MLLT3: variants seen among roughly 807,000 people sequenced by gnomAD.
MLLT3 encodes protein AF-9.
MLLT3 carries 4 observed loss-of-function variants against 53.2 expected under a neutral mutation model. The ratio of observed to expected loss-of-function variants is 0.08; its 90% CI spans 0.04 to 0.17. The LOEUF is 0.17. Ranked by LOEUF, MLLT3 falls within the 10% of genes least tolerant of loss-of-function variation. The probability of loss-of-function intolerance (pLI) is 1.00; values close to 1 mark genes in which losing one functional copy is unlikely to be tolerated. For missense variants in MLLT3, 569 were observed against 684.0 expected (o/e 0.83, Z 1.87); for synonymous variants, 283 against 230.6 (o/e 1.23, Z -2.06).
intron 2 of MLLT3, among the ~76,000 whole-genome samples, chr9:20,519,154 T>C (rs566661639): frequency 6.6e-6 from 1 of 152,316 alleles, no homozygotes; most frequent in South Asian, 2.1e-4. Context: ...CAATGTGGTA[T>C]CCTAGATTAG....
At chr9:20,615,360 GAAAAAAAAAAAAAAAAA>G (rs10601830) in intron 2 of MLLT3, among the ~76,000 whole-genome samples, 31 of 48,766 alleles carry the variant, frequency 6.4e-4, no homozygotes, top group South Asian at 4.7e-3. Flanking sequence ...CAGACCATGT[GAAAAAAAAAAAAAAAAA>G]AAAAAAAAAA....
At chr9:20,446,864 C>G (rs1823718197) in intron 4 of MLLT3, among the ~76,000 whole-genome samples, 6 of 152,136 alleles carry the variant, frequency 3.9e-5, no homozygotes, top group Admixed American at 3.9e-4. Flanking sequence ...CTTCATGAAG[C>G]TGTATTTCTC....
intron 2 of MLLT3, among the ~76,000 whole-genome samples, chr9:20,584,940 G>C (rs539055181): frequency 6.6e-6 from 1 of 152,246 alleles, no homozygotes; most frequent in Admixed American, 6.5e-5. Flanking sequence ...TTCAAATTTT[G>C]GGCAGTTATA....
At chr9:20,443,599 G>A (rs750325105) in intron 4 of MLLT3, among the ~76,000 whole-genome samples, 15 of 152,152 alleles carry the variant, frequency 9.9e-5, no homozygotes, top group Admixed American at 3.9e-4. Context: ...CTATCAATGC[G>A]CTGGTTACAC....
chr9:20,461,694 G>T (rs760051280), intron 2 of MLLT3, among the ~76,000 whole-genome samples: 10 of 151,958 alleles, frequency 6.6e-5, no homozygotes, highest in Non-Finnish European at 1.3e-4. Context: ...GTATTATTAG[G>T]CAACAGTTTT....
rs1028722100 is a variant in MLLT3, at chr9:20,524,529, A to T, written c.194-67743T>A. ...TGACTAACGAAAAATAACTTTTTTT[A>T]AAAAAAATGACAGGCTCTCGGGCTC... is the stretch of plus-strand genomic sequence containing the variant. On this transcript the variant is annotated intron_variant, in intron 2 of 10. Transcript: ENST00000380338. Among the ~76,000 whole-genome samples the T allele has an allele frequency of 5.1e-4, 70 of 138,304 alleles. 1 individual carries two copies. The highest frequency in any genetic ancestry group is 1.1e-3 in the African/African-American group (31 of 28,732). 90.7% of individuals were successfully genotyped at this position (138,304 alleles called of 152,430 possible).
chr9:20,518,916 G>A (rs1008845294), intron 2 of MLLT3, among the ~76,000 whole-genome samples: 5 of 152,152 alleles, frequency 3.3e-5, no homozygotes, highest in Non-Finnish European at 1.5e-5. Context: ...CTGCAATGTG[G>A]GATCCTGGTT....
intron 10 of MLLT3, among the ~76,000 whole-genome samples, chr9:20,348,804 T>TTC: frequency 6.6e-6 from 1 of 152,318 alleles, no homozygotes; most frequent in East Asian, 1.9e-4. Context: ...GTAACAGAAC[T>TTC]TTCAAGAAGT....
At chr9:20,615,874 GAAAAAAAAAA>G (rs10579863) in intron 2 of MLLT3, among the ~76,000 whole-genome samples, 2 of 132,614 alleles carry the variant, frequency 1.5e-5, no homozygotes, top group Non-Finnish European at 3.2e-5. Flanking sequence ...AAAGAGATTT[GAAAAAAAAAA>G]AAAAAAAGAA....
intron 5 of MLLT3, among the ~76,000 whole-genome samples, chr9:20,405,502 T>C (rs982010134): frequency 6.6e-5 from 10 of 152,212 alleles, no homozygotes; most frequent in Admixed American, 3.3e-4. Flanking sequence ...ACAAGAAGCA[T>C]GAATTTTGGC....
chr9:20,354,206 T>C (rs1242338068), intron 9 of MLLT3, among the ~76,000 whole-genome samples: 1 of 152,224 alleles, frequency 6.6e-6, no homozygotes, highest in Non-Finnish European at 1.5e-5. Context: ...TATCATCTGA[T>C]TTGTGAAGAG....
chr9:20,512,337 G>A (rs1299042985), intron 2 of MLLT3, among the ~76,000 whole-genome samples: 3 of 152,008 alleles, frequency 2.0e-5, no homozygotes, highest in Non-Finnish European at 4.4e-5. Context: ...TCAGATGCCC[G>A]CCCACTTTGA....
chr9:20,602,123 G>C (rs1340434166), intron 2 of MLLT3, among the ~76,000 whole-genome samples: 1 of 152,084 alleles, frequency 6.6e-6, no homozygotes, highest in Non-Finnish European at 1.5e-5. Context: ...TAATTTAAGA[G>C]TACAAGTATT....
intron 2 of MLLT3, among the ~76,000 whole-genome samples, chr9:20,515,701 T>A (rs529586807): frequency 8.5e-5 from 13 of 152,168 alleles, no homozygotes; most frequent in Admixed American, 5.9e-4. Flanking sequence ...TCTGACGAGC[T>A]CCTGGGGTCC....
At chr9:20,532,981 T>C (rs573923413) in intron 2 of MLLT3, 2 of 267,824 alleles carry the variant, frequency 7.5e-6, no homozygotes, top group East Asian at 1.2e-4. Flanking sequence ...GTTAATATCA[T>C]CACCACCTTG....
chr9:20,342,870 G>T lies in MLLT3; in HGVS notation c.*3573C>A. On this transcript the variant is annotated 3_prime_UTR_variant, in exon 11 of 11. Transcript: ENST00000380338. Reference sequence around the variant, plus strand: ...TATATATGTATATATAAATATAGGAGCAGTACATAGCATTAGTACACAAAA... The same window carrying T: ...TATATATGTATATATAAATATAGGATCAGTACATAGCATTAGTACACAAAA... 5.6e-6 allele frequency: 1 copy of T among 177,628 alleles called. No individual in the cohort carries two copies. The highest frequency in any genetic ancestry group is 1.2e-5 in the Non-Finnish European group (1 of 84,504). The allele number at this position is 177,628 out of a possible 1,614,324, so 11.0% of individuals were successfully genotyped here.
chr9:20,533,116 G>T, intron 2 of MLLT3: 1 of 256,522 alleles, frequency 3.9e-6, no homozygotes, highest in South Asian at 4.5e-5. Flanking sequence ...CAAGGAGAAG[G>T]CAAGTCTGGG....
intron 2 of MLLT3, among the ~76,000 whole-genome samples, chr9:20,484,659 C>T (rs1181234831): frequency 1.3e-5 from 2 of 152,108 alleles, no homozygotes; most frequent in African/African-American, 2.4e-5. Flanking sequence ...AATTTCTCCC[C>T]GGAATCCATG....
chr9:20,597,403 G>A (rs1418850751), intron 2 of MLLT3, among the ~76,000 whole-genome samples: 1 of 151,814 alleles, frequency 6.6e-6, no homozygotes, highest in African/African-American at 2.4e-5. Flanking sequence ...AGGAGCTAGA[G>A]GTCTTACTGC....
Sources: allele counts gnomAD v4.1 joint callset (sites outside exome capture counted in the v4.1 genomes callset), GRCh38; gene constraint gnomAD v4.1.1; transcripts MANE v1.5; gene names NCBI Gene and HGNC (gene_info 2026-07-23, HGNC 2026-07-21).